The following MMP26 variants were observed in gnomAD, a reference collection of about 807,000 sequenced individuals.
The protein encoded by MMP26 is matrix metalloproteinase-26.
In MMP26, 33 loss-of-function variants were observed where a neutral mutation model predicts 31.0. The ratio of observed to expected loss-of-function variants is 1.06; its 90% confidence interval spans 0.81 to 1.42. The LOEUF (loss-of-function observed/expected upper bound fraction) is 1.42, where lower values mean the gene tolerates loss of function less well. Among genes scored for constraint, MMP26 ranks in the 40% most tolerant of loss-of-function variants. The pLI is 0.00. For synonymous variants in MMP26, 122 were observed against 114.9 expected (o/e 1.06, Z -0.40); for missense variants, 347 against 316.1 (o/e 1.10, Z -0.74).
At chr11:4,799,019 C>G (rs989355793) in intron 2 of MMP26, among the ~76,000 whole-genome samples, 1 of 152,088 alleles carries the variant, frequency 6.6e-6, no homozygotes, top group African/African-American at 2.4e-5. Flanking sequence ...TTCTTAGTCA[C>G]TGTGATTATA....
intron 2 of MMP26, among the ~76,000 whole-genome samples, chr11:4,930,165 TTTG>T (rs1278761894): frequency 4.6e-5 from 7 of 152,098 alleles, no homozygotes; most frequent in Admixed American, 1.3e-4. Flanking sequence ...AGTACAGTTT[TTTG>T]TTGTTGTTGA....
intron 2 of MMP26, among the ~76,000 whole-genome samples, chr11:4,796,042 C>T (rs1366195631): frequency 1.3e-5 from 2 of 152,092 alleles, no homozygotes; most frequent in Admixed American, 6.5e-5. Flanking sequence ...CAGGACAAGT[C>T]GCCACTCTGA....
At chr11:4,980,734 A>G (rs1846801229) in intron 2 of MMP26, among the ~76,000 whole-genome samples, 1 of 151,866 alleles carries the variant, frequency 6.6e-6, no homozygotes, top group Non-Finnish European at 1.5e-5. Context: ...TTGTGGTGAC[A>G]AAATAATATA....
At chr11:4,731,254 A>T (rs1267890485) in intron 1 of MMP26, among the ~76,000 whole-genome samples, 3 of 152,136 alleles carry the variant, frequency 2.0e-5, no homozygotes, top group Admixed American at 2.0e-4. Flanking sequence ...CACTATTTTC[A>T]GTAGGCCACT....
chr11:4,817,044 C>T (rs1849431408), intron 2 of MMP26, among the ~76,000 whole-genome samples: 1 of 151,802 alleles, frequency 6.6e-6, no homozygotes, highest in South Asian at 2.1e-4. Context: ...CTAATCATAC[C>T]ATATATTCTG....
At chr11:4,848,595 T>C (rs749894455) in intron 2 of MMP26, 21 of 1,606,824 alleles carry the variant, frequency 1.3e-5, no homozygotes, top group Non-Finnish European at 1.6e-5. Context: ...AAATAGGCTG[T>C]AGGCTGCACC....
At chr11:4,959,763 G>A (rs1407111700) in intron 2 of MMP26, among the ~76,000 whole-genome samples, 1 of 152,024 alleles carries the variant, frequency 6.6e-6, no homozygotes, top group African/African-American at 2.4e-5. Flanking sequence ...GGTTTATTTT[G>A]CATATAATCA....
At chr11:4,888,432 A>C (rs1231346491) in intron 2 of MMP26, among the ~76,000 whole-genome samples, 1 of 152,160 alleles carries the variant, frequency 6.6e-6, no homozygotes, top group Non-Finnish European at 1.5e-5. Flanking sequence ...AGTGAAATCG[A>C]AACACTAGAT....
chr11:4,926,131 A>G (rs920581437), intron 2 of MMP26, among the ~76,000 whole-genome samples: 5 of 152,128 alleles, frequency 3.3e-5, no homozygotes, highest in African/African-American at 4.8e-5. Context: ...AGCTTTTGCC[A>G]CTCACATTTC....
At chr11:4,829,968 T>C (rs1193797657) in intron 2 of MMP26, among the ~76,000 whole-genome samples, 1 of 152,176 alleles carries the variant, frequency 6.6e-6, no homozygotes, top group Admixed American at 6.5e-5. Flanking sequence ...GTTAAAGCCG[T>C]CACTGTGATT....
At chr11:4,943,696 A>T in intron 2 of MMP26, 1 of 354,090 alleles carries the variant, frequency 2.8e-6, no homozygotes, top group Non-Finnish European at 5.6e-6. Flanking sequence ...CCAGTTGAGA[A>T]CCACTGTTTA....
At chr11:4,869,397 AG>A (rs1850281278) in intron 2 of MMP26, among the ~76,000 whole-genome samples, 1 of 152,244 alleles carries the variant, frequency 6.6e-6, no homozygotes, top group South Asian at 2.1e-4. Context: ...CCCATCAAAA[AG>A]TGGGCGAAGG....
intron 3 of MMP26, 107 bp from the exon 4 acceptor site, chr11:4,989,541 C>T (rs904317284): frequency 7.2e-6 from 6 of 828,228 alleles, no homozygotes; most frequent in Non-Finnish European, 1.1e-5. Flanking sequence ...GAAGGCCAGA[C>T]TAAGTACCGT....
intron 1 of MMP26, among the ~76,000 whole-genome samples, chr11:4,707,856 G>A (rs759953699): frequency 6.6e-5 from 10 of 152,090 alleles, no homozygotes; most frequent in African/African-American, 1.4e-4. Flanking sequence ...CTCTGAGATC[G>A]TAGGTCTGAG....
chr11:4,916,622 C>T lies in MMP26; in HGVS notation c.-144-71446C>T, dbSNP rs186029739. 9.2e-4 allele frequency among the ~76,000 whole-genome samples: 140 copies of T among 152,280 alleles called. 1 individual carries two copies. The highest frequency in any genetic ancestry group is 3.2e-3 in the African/African-American group (133 of 41,558). ...CCCTTCACTCACCTTCTCCTCTGGT[C>T]TTCCTGACATAGAAGCTTAGCCTTG... On this transcript the variant is annotated intron_variant, in intron 2 of 7. Transcript: ENST00000380390.
intron 1 of MMP26, chr11:4,736,930 T>C (rs1848249047): frequency 6.5e-6 from 1 of 152,964 alleles, no homozygotes; most frequent in Non-Finnish European, 1.5e-5. Context: ...CATAGGTTCG[T>C]GGAGACTGGA....
At chr11:4,827,424 GA>G (rs1477468716) in intron 2 of MMP26, among the ~76,000 whole-genome samples, 3 of 151,986 alleles carry the variant, frequency 2.0e-5, no homozygotes, top group Non-Finnish European at 4.4e-5. Flanking sequence ...TCCAAATAGA[GA>G]AGAAAAATGA....
At chr11:4,725,860 G>T (rs929143740) in intron 1 of MMP26, among the ~76,000 whole-genome samples, 1 of 152,176 alleles carries the variant, frequency 6.6e-6, no homozygotes, top group Non-Finnish European at 1.5e-5. Context: ...TCACAAATCT[G>T]CTTGTGCAAG....
intron 2 of MMP26, among the ~76,000 whole-genome samples, chr11:4,854,985 A>C (rs1370115019): frequency 6.6e-6 from 1 of 152,234 alleles, no homozygotes; most frequent in African/African-American, 2.4e-5. Flanking sequence ...ACTCCAACAG[A>C]GCTACAGCTA....
Sources: allele counts gnomAD v4.1 joint callset (sites outside exome capture counted in the v4.1 genomes callset), GRCh38; gene constraint gnomAD v4.1.1; transcripts MANE v1.5; gene names NCBI Gene and HGNC (gene_info 2026-07-23, HGNC 2026-07-21).